STX8: variants seen among roughly 807,000 people sequenced by gnomAD.
The protein encoded by STX8 is syntaxin-8.
A neutral mutation model predicts 37.5 loss-of-function variants in STX8; 23 were observed. The observed-to-expected ratio is 0.61, with a 90% CI of 0.44 to 0.87. STX8 has a LOEUF of 0.87. Ranked by LOEUF, STX8 falls within the 40% of genes least tolerant of loss-of-function variation. The probability of loss-of-function intolerance (pLI) is 0.00; values close to 1 mark genes in which losing one functional copy is unlikely to be tolerated. For synonymous variants in STX8, 115 were observed against 99.1 expected (o/e 1.16, Z -0.95); for missense variants, 313 against 284.7 (o/e 1.10, Z -0.71).
At chr17:9,251,826 G>A (rs1906589973) in intron 7 of STX8, among the ~76,000 whole-genome samples, 1 of 152,224 alleles carries the variant, frequency 6.6e-6, no homozygotes. Flanking sequence ...CTCAACCCAT[G>A]TGGGCACTGC....
intron 7 of STX8, among the ~76,000 whole-genome samples, chr17:9,254,376 C>T (rs1906707031): frequency 6.6e-6 from 1 of 152,116 alleles, no homozygotes. Context: ...CTCTTTGCCC[C>T]CCTAAGTTTC....
intron 4 of STX8, among the ~76,000 whole-genome samples, chr17:9,516,641 T>C (rs1214172930): frequency 6.6e-6 from 1 of 152,082 alleles, no homozygotes; most frequent in East Asian, 1.9e-4. Context: ...CCGATTCTCT[T>C]TTCATTTGGT....
chr17:9,428,792 G>A (rs1490458018), intron 6 of STX8, among the ~76,000 whole-genome samples: 1 of 152,146 alleles, frequency 6.6e-6, no homozygotes, highest in Admixed American at 6.6e-5. Flanking sequence ...CAAGTTCAGT[G>A]TTACCTTGTA....
intron 6 of STX8, among the ~76,000 whole-genome samples, chr17:9,422,232 G>A (rs559402302): frequency 1.9e-4 from 29 of 151,926 alleles, no homozygotes; most frequent in African/African-American, 7.0e-4. Flanking sequence ...AGCCTCCCCA[G>A]TAACTGGGAT....
intron 6 of STX8, among the ~76,000 whole-genome samples, chr17:9,425,098 G>C (rs1290993135): frequency 6.6e-6 from 1 of 152,134 alleles, no homozygotes; most frequent in African/African-American, 2.4e-5. Flanking sequence ...CACAGTTTCT[G>C]ACTAAGAAAA....
At chr17:9,288,931 A>T (rs1268360712) in intron 7 of STX8, among the ~76,000 whole-genome samples, 1 of 152,140 alleles carries the variant, frequency 6.6e-6, no homozygotes, top group Non-Finnish European at 1.5e-5. Context: ...TTCAAACTGA[A>T]GCGTTCACAA....
rs193095026 is a variant in STX8 at position 9,535,654 on chromosome 17, A to G, written c.323+9518T>C. ...TCACCGTGTTAGCCAGGATGGTCTC[A>G]ATCTCCTGACCTCATGATCTGCCCG... On this transcript the variant is annotated intron_variant, in intron 4 of 7. Transcript: ENST00000306357. Among the ~76,000 whole-genome samples, 1,254 of 151,610 alleles carry G rather than the reference A, an allele frequency of 8.3e-3. 8 individuals are homozygous for G. The highest frequency in any genetic ancestry group is 0.012 in the Non-Finnish European group (844 of 67,874).
chr17:9,560,228 T>A (rs1444868153), intron 2 of STX8, among the ~76,000 whole-genome samples: 1 of 150,770 alleles, frequency 6.6e-6, no homozygotes, highest in Non-Finnish European at 1.5e-5. Context: ...TGAAACCCTG[T>A]CACTACTAAA....
rs1905577292 is a variant in STX8 at position 9,526,546 on chromosome 17, TC to T, written c.323+18625del. ...ACAAACAAGAACAGGCTTTTTAATT[TC>T]TTAAAAATTTTTACTTAAAGAAAAC... On this transcript the variant is annotated intron_variant, in intron 4 of 7. Coordinates refer to ENST00000306357, the MANE Select transcript of STX8 (RefSeq NM_004853.3). Among the ~76,000 whole-genome samples the T allele has an allele frequency of 4.0e-5, 6 of 151,792 alleles. No individual in the cohort carries two copies. The South Asian group carries it at 1.2e-3, about 31-fold the overall frequency.
At chr17:9,327,176 A>AGAAGAAG (rs1909784806) in intron 7 of STX8, among the ~76,000 whole-genome samples, 1 of 150,408 alleles carries the variant, frequency 6.6e-6, no homozygotes, top group South Asian at 2.1e-4. Flanking sequence ...AAAAAGAAGA[A>AGAAGAAG]GAAGAAGGAA....
intron 7 of STX8, among the ~76,000 whole-genome samples, chr17:9,251,534 C>T (rs889649447): frequency 6.6e-6 from 1 of 152,108 alleles, no homozygotes; most frequent in African/African-American, 2.4e-5. Flanking sequence ...CAAGGCCCCA[C>T]GAGAGAGGTG....
chr17:9,391,800 A>G (rs888919007), intron 6 of STX8, among the ~76,000 whole-genome samples: 1 of 152,176 alleles, frequency 6.6e-6, no homozygotes, highest in East Asian at 1.9e-4. Context: ...TAGATTTCAC[A>G]CTGGAGAAAT....
chr17:9,490,726 ATACTT>A (rs1349253294), intron 6 of STX8, among the ~76,000 whole-genome samples: 1 of 152,174 alleles, frequency 6.6e-6, no homozygotes, highest in African/African-American at 2.4e-5. Flanking sequence ...CTTAGATAGA[ATACTT>A]TACATTTTCT....
intron 7 of STX8, among the ~76,000 whole-genome samples, chr17:9,254,428 G>C (rs59187291): frequency 0.046 from 6,993 of 151,334 alleles, 545 homozygotes; most frequent in African/African-American, 0.16. Context: ...TTGAGATGGA[G>C]TCTCGCGCCC....
At chr17:9,482,333 C>T (rs1224203403) in intron 6 of STX8, among the ~76,000 whole-genome samples, 2 of 151,876 alleles carry the variant, frequency 1.3e-5, no homozygotes, top group South Asian at 4.2e-4. Context: ...TTTATATTGC[C>T]GAGAAATCAG....
At chr17:9,278,791 C>T (rs771333170) in intron 7 of STX8, among the ~76,000 whole-genome samples, 5 of 151,136 alleles carry the variant, frequency 3.3e-5, no homozygotes, top group South Asian at 4.2e-4. Context: ...GGAGGGAGAT[C>T]GGGCAGGGTG....
chr17:9,286,611 G>C (rs1177349289), intron 7 of STX8, among the ~76,000 whole-genome samples: 1 of 151,118 alleles, frequency 6.6e-6, no homozygotes, highest in Non-Finnish European at 1.5e-5. Flanking sequence ...ACAACTCTAA[G>C]CTGGCTACAG....
intron 7 of STX8, among the ~76,000 whole-genome samples, chr17:9,371,505 C>T (rs1309003048): frequency 6.6e-6 from 1 of 152,226 alleles, no homozygotes; most frequent in Admixed American, 6.5e-5. Flanking sequence ...GTGGTTAACT[C>T]TTCGCTGTAT....
intron 7 of STX8, among the ~76,000 whole-genome samples, chr17:9,302,702 A>C (rs939778780): frequency 6.6e-6 from 1 of 152,086 alleles, no homozygotes; most frequent in Non-Finnish European, 1.5e-5. Context: ...TCCACAGAGC[A>C]CTGGTGGAGA....
Sources: allele counts gnomAD v4.1 joint callset (sites outside exome capture counted in the v4.1 genomes callset), GRCh38; gene constraint gnomAD v4.1.1; transcripts MANE v1.5; gene names NCBI Gene and HGNC (gene_info 2026-07-23, HGNC 2026-07-21).